The following PCDHGA3 variants were observed in gnomAD, a reference collection of about 807,000 sequenced individuals.
PCDHGA3 encodes protocadherin gamma subfamily A, 3.
Under a neutral mutation model 58.5 loss-of-function variants are expected in PCDHGA3, and 40 were observed. That is an observed-to-expected ratio of 0.68 (90% CI 0.53 to 0.89). The LOEUF (loss-of-function observed/expected upper bound fraction) is 0.89. PCDHGA3 is among the 40% of genes least tolerant of loss of function. PCDHGA3 has a pLI of 0.00. For synonymous variants in PCDHGA3, 530 were observed against 525.7 expected, an observed-to-expected ratio of 1.01 and a Z score of -0.11; for missense variants, 1,223 against 1,195.9, an observed-to-expected ratio of 1.02 and a Z score of -0.33.
chr5:141,407,924 C>T, intron 1 of PCDHGA3: 2 of 482,212 alleles, frequency 4.1e-6, no homozygotes, highest in Non-Finnish European at 3.6e-6. Flanking sequence ...CTGTCCCGCA[C>T]GGAGCCTCTG....
At chr5:141,409,381 G>T (rs1258881607) in intron 1 of PCDHGA3, 1 of 1,614,018 alleles carries the variant, frequency 6.2e-7, no homozygotes, top group Admixed American at 1.7e-5. Context: ...TTCCATTCAA[G>T]ATTTATTCTT....
rs181480719 is a variant in PCDHGA3, at chr5:141,387,482, G to A, written c.2424+41025G>A. 5.3e-5 allele frequency among the ~76,000 whole-genome samples: 8 copies of A among 152,294 alleles called. No individual in the cohort carries two copies. The East Asian group carries it at 1.5e-3, about 29-fold the overall frequency. On this transcript the variant is annotated intron_variant, in intron 1 of 3. Coordinates refer to ENST00000253812, the MANE Select transcript of PCDHGA3 (RefSeq NM_018916.4). ...AAAAATCCTCAAAGTTGGGATGAAG[G>A]CATTCCTAAGAGTACATTTTTAGAC...
Position 141,491,300 on chromosome 5 carries a change from G to T in PCDHGA3, c.2425-3507G>T. On this transcript the variant is annotated intron_variant, in intron 1 of 3. Coordinates refer to ENST00000253812, the MANE Select transcript of PCDHGA3 (RefSeq NM_018916.4). The surrounding 1 kb of genome is among the most constrained non-coding windows in gnomAD (Gnocchi z 6.9). Reference sequence around the variant, plus strand: ...GACTTCCTCATACACCCTCCTGAGCGTTCAGACCTTACCCTTTACCTCATT... The same window carrying T: ...GACTTCCTCATACACCCTCCTGAGCTTTCAGACCTTACCCTTTACCTCATT... The T allele has an allele frequency of 6.2e-7, 1 of 1,614,136 alleles. No homozygotes were observed. The highest frequency in any genetic ancestry group is 8.5e-7 in the Non-Finnish European group (1 of 1,179,962).
At chr5:141,440,841 A>G (rs1361003883) in intron 1 of PCDHGA3, 5 of 152,114 alleles carry the variant, frequency 3.3e-5, no homozygotes, top group Admixed American at 1.3e-4. Flanking sequence ...GTTGAAGCCA[A>G]TGACAACCCT....
intron 1 of PCDHGA3, among the ~76,000 whole-genome samples, chr5:141,462,331 T>C (rs909948238): frequency 6.6e-6 from 1 of 152,244 alleles, no homozygotes; most frequent in African/African-American, 2.4e-5. Context: ...TCTAATTTAA[T>C]TGTATTGTGA....
chr5:141,360,069 G>T, intron 1 of PCDHGA3: 1 of 1,469,260 alleles, frequency 6.8e-7, no homozygotes, highest in East Asian at 2.5e-5. Context: ...AGTGACCTTA[G>T]CCCGGATTCT....
At chr5:141,429,924 A>T (rs2097252885) in intron 1 of PCDHGA3, among the ~76,000 whole-genome samples, 1 of 152,210 alleles carries the variant, frequency 6.6e-6, no homozygotes, top group Admixed American at 6.5e-5. Context: ...GTATTAATAG[A>T]ATTCTGGAGT....
At chr5:141,384,418 A>G (rs761365195) in intron 1 of PCDHGA3, 4 of 1,613,972 alleles carry the variant, frequency 2.5e-6, no homozygotes, top group Non-Finnish European at 3.4e-6. Context: ...CTATGTCTCC[A>G]TAAACTCTGA....
At chr5:141,355,116 T>A in intron 1 of PCDHGA3, 1 of 1,511,608 alleles carries the variant, frequency 6.6e-7, no homozygotes, top group South Asian at 1.3e-5. Flanking sequence ...GAATGCACTT[T>A]ATTTTGGACC....
At chr5:141,416,217 G>A (rs1224952837) in intron 1 of PCDHGA3, 1 of 152,288 alleles carries the variant, frequency 6.6e-6, no homozygotes, top group Non-Finnish European at 1.5e-5. Flanking sequence ...AACAATGTAT[G>A]CTTAGATTTT....
chr5:141,360,660 C>T (rs530891991), intron 1 of PCDHGA3: 14 of 1,613,850 alleles, frequency 8.7e-6, no homozygotes, highest in Admixed American at 3.3e-5. Flanking sequence ...TTAATGACAA[C>T]GAGTACTTTG....
intron 1 of PCDHGA3, among the ~76,000 whole-genome samples, chr5:141,481,194 T>C (rs74538051): frequency 0.017 from 2,576 of 152,298 alleles, 78 homozygotes; most frequent in African/African-American, 0.059. Context: ...CCAGGCCCAA[T>C]TTTTTTAAAA....
At chr5:141,352,616 T>C (rs1287567761) in intron 1 of PCDHGA3, 6 of 1,613,192 alleles carry the variant, frequency 3.7e-6, no homozygotes, top group Non-Finnish European at 5.1e-6. Flanking sequence ...TATGGTTGTA[T>C]GTGCCAGTAA....
chr5:141,511,453 T>G lies in PCDHGA3; in HGVS notation c.*280T>G. 1.7e-6 allele frequency: 1 copy of G among 595,822 alleles called. No individual in the cohort carries two copies. Among genetic ancestry groups the G allele is most frequent in the Non-Finnish European group, 2.8e-6 (1 of 360,062 alleles). 36.9% of individuals were successfully genotyped at this position (595,822 alleles called of 1,614,324 possible). ...GGTTACTGTAGACACCAAGAACCATTTGCCACACCCCGTTTAGTTACAGCT... is the reference window on the plus strand; with the variant it reads ...GGTTACTGTAGACACCAAGAACCATGTGCCACACCCCGTTTAGTTACAGCT... On this transcript the variant is annotated 3_prime_UTR_variant, in exon 4 of 4. Transcript: ENST00000253812.
At chr5:141,364,814 G>T in intron 1 of PCDHGA3, 1 of 1,614,042 alleles carries the variant, frequency 6.2e-7, no homozygotes, top group Non-Finnish European at 8.5e-7. Flanking sequence ...GGATGCGGAT[G>T]TGGGTGTGAA....
At chr5:141,399,053 A>G (rs2093744168) in intron 1 of PCDHGA3, 2 of 1,613,630 alleles carry the variant, frequency 1.2e-6, no homozygotes, top group East Asian at 2.2e-5. Context: ...GAAGAGACCA[A>G]GGAATATTCA....
At chr5:141,396,410 G>C (rs2093377441) in intron 1 of PCDHGA3, 1 of 152,250 alleles carries the variant, frequency 6.6e-6, no homozygotes, top group Non-Finnish European at 1.5e-5. Context: ...CCTGAGGTCA[G>C]GAGTTCAAGA....
chr5:141,389,346 T>G (rs779015878), intron 1 of PCDHGA3: 1 of 1,613,984 alleles, frequency 6.2e-7, no homozygotes. Flanking sequence ...AGTCTCTTAC[T>G]GCATCATGGC....
intron 1 of PCDHGA3, among the ~76,000 whole-genome samples, chr5:141,368,196 G>T (rs1437997648): frequency 1.3e-5 from 2 of 152,104 alleles, no homozygotes; most frequent in Non-Finnish European, 2.9e-5. Flanking sequence ...AGGGGAAAAG[G>T]TAATAAAATA....
Sources: allele counts gnomAD v4.1 joint callset (sites outside exome capture counted in the v4.1 genomes callset), GRCh38; gene constraint gnomAD v4.1.1; non-coding constraint Gnocchi (gnomAD v3.1); transcripts MANE v1.5; gene names NCBI Gene and HGNC (gene_info 2026-07-23, HGNC 2026-07-21).